The following ATP9A variants were observed in gnomAD, a reference collection of about 807,000 sequenced individuals.
ATP9A encodes ATPase phospholipid transporting 9A, also known as probable phospholipid-transporting ATPase IIA.
In ATP9A, 52 loss-of-function variants were observed where a neutral mutation model predicts 144.1. The observed-to-expected ratio is 0.36, with a 90% CI of 0.29 to 0.45. The LOEUF is 0.45. ATP9A is among the 20% of genes least tolerant of loss of function. The pLI, the probability that ATP9A is intolerant of heterozygous loss-of-function variation, is 1.00. For missense variants in ATP9A, 947 were observed against 1,392.7 expected, an observed-to-expected ratio of 0.68 and a Z score of 5.09; for synonymous variants, 582 against 557.4, an observed-to-expected ratio of 1.04 and a Z score of -0.62.
chr20:51,669,019 G>A (rs921695416), intron 13 of ATP9A, among the ~76,000 whole-genome samples: 3 of 152,174 alleles, frequency 2.0e-5, no homozygotes, highest in African/African-American at 4.8e-5. Flanking sequence ...TCTCTATTTC[G>A]ACGAATTTAA....
chr20:51,684,398 T>C (rs1454541249), intron 9 of ATP9A, among the ~76,000 whole-genome samples: 1 of 152,278 alleles, frequency 6.6e-6, no homozygotes, highest in South Asian at 2.1e-4. Context: ...CATTCACACA[T>C]ATATTTAAGA....
At chr20:51,756,314 G>T (rs1376524421) in intron 1 of ATP9A, among the ~76,000 whole-genome samples, 2 of 149,686 alleles carry the variant, frequency 1.3e-5, no homozygotes, top group African/African-American at 4.9e-5. Context: ...TTTTTGAGAT[G>T]GAGTCTCGCT....
At position 51,597,200 on chromosome 20, in the gene ATP9A, A is replaced by C. The variant is rs996310404; in HGVS notation, c.*4011T>G. ...AACCATGCTGTGGCGGAGAAGACAG[A>C]TTCACGGGTAATGCCGCTTTGGCCT... On this transcript the variant is annotated 3_prime_UTR_variant, in exon 28 of 28. Transcript: ENST00000338821. The C allele has an allele frequency of 6.6e-6, 1 of 152,214 alleles. No homozygotes were observed. Among genetic ancestry groups the C allele is most frequent in the Non-Finnish European group, 1.5e-5 (1 of 68,040 alleles). 9.4% of individuals were successfully genotyped at this position (152,214 alleles called of 1,614,324 possible). A position where few individuals can be genotyped will look rare whatever the true frequency, so the allele number is the denominator to read the frequency against.
chr20:51,624,177 C>T (rs529124744), intron 18 of ATP9A, among the ~76,000 whole-genome samples: 2 of 152,332 alleles, frequency 1.3e-5, no homozygotes, highest in East Asian at 1.9e-4. Context: ...CAAATGCAAG[C>T]GACAGAATTG....
At chr20:51,733,682 TAA>T (rs59131636) in intron 1 of ATP9A, among the ~76,000 whole-genome samples, 3,179 of 150,520 alleles carry the variant, frequency 0.021, 41 homozygotes, top group Middle Eastern at 0.055. Flanking sequence ...CTTTTTTTTT[TAA>T]TTTTTTTTTA....
chr20:51,648,280 C>T (rs1481725481), intron 14 of ATP9A, among the ~76,000 whole-genome samples: 6 of 152,180 alleles, frequency 3.9e-5, no homozygotes, highest in Non-Finnish European at 8.8e-5. Context: ...ATTGCCTGCC[C>T]TCCCCGGCAC....
chr20:51,763,255 C>A (rs559702402), intron 1 of ATP9A, among the ~76,000 whole-genome samples: 257 of 148,758 alleles, frequency 1.7e-3, no homozygotes, highest in African/African-American at 6.1e-3. Context: ...AAACCCATGC[C>A]GGAGTGATGG....
rs2077467968 is a variant in ATP9A at position 51,674,231 on chromosome 20, G to A, written c.959C>T (p.Ala320Val). The change falls in exon 11 of 28, where the codon GCC (alanine) becomes GTC (valine). Residue 320 changes from alanine to valine, a missense_variant. Coordinates refer to ENST00000338821, the MANE Select transcript of ATP9A (RefSeq NM_006045.3). ...ALVVVSLVMV[A>V]LQHFAGRWYL... ...CCAACGGCCTGCAAAGTGCTGAAGG[G>A]CAACCATGACCAGCGAGACCACCAC... 1.9e-6 allele frequency: 3 copies of A among 1,613,990 alleles called. No individual in the cohort carries two copies. Among genetic ancestry groups the A allele is most frequent in the Non-Finnish European group, 2.5e-6 (3 of 1,180,004 alleles).
intron 13 of ATP9A, among the ~76,000 whole-genome samples, chr20:51,669,285 C>T (rs2077446196): frequency 6.6e-6 from 1 of 152,118 alleles, no homozygotes; most frequent in Non-Finnish European, 1.5e-5. Flanking sequence ...TGACACACAG[C>T]CAAGATGGGG....
At chr20:51,695,466 G>GAAAA (rs5841858) in intron 6 of ATP9A, among the ~76,000 whole-genome samples, 5 of 124,986 alleles carry the variant, frequency 4.0e-5, no homozygotes, top group Admixed American at 8.8e-5. Context: ...CGGTCTCAAG[G>GAAAA]AAAAAAAAAA....
At chr20:51,652,689 T>C (rs2077371229) in intron 14 of ATP9A, among the ~76,000 whole-genome samples, 1 of 152,214 alleles carries the variant, frequency 6.6e-6, no homozygotes, top group Non-Finnish European at 1.5e-5. Flanking sequence ...CAGGAAGACA[T>C]TAACAATGAC....
chr20:51,751,210 A>C (rs1203507175), intron 1 of ATP9A, among the ~76,000 whole-genome samples: 1 of 151,520 alleles, frequency 6.6e-6, no homozygotes, highest in Admixed American at 6.6e-5. Flanking sequence ...ACCCCCAATG[A>C]ATTAGGAATG....
chr20:51,679,299 G>A (rs1313837955), intron 9 of ATP9A, among the ~76,000 whole-genome samples: 3 of 150,510 alleles, frequency 2.0e-5, no homozygotes, highest in Non-Finnish European at 4.4e-5. Context: ...ACTCCAGCCT[G>A]GGTGACGGAG....
In ATP9A at chr20:51,728,354, C is replaced by T. The variant is rs112074123; in HGVS notation, c.213+1480G>A. 1.9e-3 allele frequency among the ~76,000 whole-genome samples: 296 copies of T among 152,172 alleles called. 1 individual carries two copies. Among genetic ancestry groups the T allele is most frequent in the African/African-American group, 6.7e-3 (280 of 41,520 alleles). On this transcript the variant is annotated intron_variant, in intron 2 of 27. Coordinates refer to ENST00000338821, the MANE Select transcript of ATP9A (RefSeq NM_006045.3). ...CCTTAAAAACATTCACGGCTGGGAG[C>T]GCTGGCTCGTGCCTATAATCCCAGC...
chr20:51,736,543 G>A (rs1300684992), intron 1 of ATP9A, among the ~76,000 whole-genome samples: 19 of 145,272 alleles, frequency 1.3e-4, no homozygotes, highest in Non-Finnish European at 2.1e-4. Context: ...TCTGGAGAAC[G>A]AGGTCTCGCT....
At chr20:51,699,509 A>G (rs1343074809) in intron 4 of ATP9A, among the ~76,000 whole-genome samples, 2 of 152,122 alleles carry the variant, frequency 1.3e-5, no homozygotes, top group Non-Finnish European at 2.9e-5. Context: ...ATGTTTTCCT[A>G]TTGAAACAAC....
At chr20:51,629,198 C>A in intron 15 of ATP9A, 126 bp from the exon 16 acceptor site, 1 of 626,880 alleles carries the variant, frequency 1.6e-6, no homozygotes. Flanking sequence ...TTTCAGTTGG[C>A]TGAAGATGAA....
chr20:51,715,981 A>T (rs2077660160), intron 3 of ATP9A, among the ~76,000 whole-genome samples: 1 of 151,914 alleles, frequency 6.6e-6, no homozygotes, highest in Admixed American at 6.6e-5. Flanking sequence ...AAGCAAAGCT[A>T]ATCTATGGGA....
intron 1 of ATP9A, among the ~76,000 whole-genome samples, chr20:51,758,947 T>A (rs940019380): frequency 6.6e-6 from 1 of 152,048 alleles, no homozygotes; most frequent in Admixed American, 6.6e-5. Flanking sequence ...AAAGAGCCCG[T>A]CTGCAAGGAA....
Sources: allele counts gnomAD v4.1 joint callset (sites outside exome capture counted in the v4.1 genomes callset), GRCh38; gene constraint gnomAD v4.1.1; transcripts MANE v1.5; gene names NCBI Gene and HGNC (gene_info 2026-07-23, HGNC 2026-07-21).